Variants in ABI3BP observed in about 807,000 individuals in gnomAD.
ABI3BP encodes the protein ABI family member 3 binding protein.
ABI3BP carries 216 observed loss-of-function variants against 268.6 expected under a neutral mutation model. That is an observed-to-expected ratio of 0.80 (90% CI 0.72 to 0.90). The LOEUF is 0.90. Among genes scored for constraint, ABI3BP ranks in the 40% least tolerant of loss-of-function variants. ABI3BP has a pLI of 0.00. For missense variants in ABI3BP, 2,090 were observed against 2,182.4 expected (o/e 0.96, Z 0.84); for synonymous variants, 730 against 730.0 (o/e 1.00, Z 0.00).
chr3:100,869,083 T>C (rs2153224322), intron 9 of ABI3BP, among the ~76,000 whole-genome samples: 1 of 152,236 alleles, frequency 6.6e-6, no homozygotes, highest in Non-Finnish European at 1.5e-5. Flanking sequence ...ATGTTCTCAG[T>C]GAGTCCCTGG....
chr3:100,829,939 G>A (rs562999722), intron 32 of ABI3BP, among the ~76,000 whole-genome samples: 7 of 151,084 alleles, frequency 4.6e-5, no homozygotes, highest in East Asian at 3.9e-4. Flanking sequence ...GAGTTATGGC[G>A]GTGATGGGGG....
rs913922094 is a variant in ABI3BP, at chr3:100,750,278, T to C, written c.*217A>G. 16 of 395,786 alleles carry C rather than the reference T, an allele frequency of 4.0e-5. 1 individual carries two copies. The highest frequency in any genetic ancestry group is 2.7e-4 in the African/African-American group (13 of 48,106). 24.5% of individuals were successfully genotyped at this position (395,786 alleles called of 1,614,324 possible). A position where few individuals can be genotyped will look rare whatever the true frequency, so the allele number is the denominator to read the frequency against. On this transcript the variant is annotated 3_prime_UTR_variant, in exon 68 of 68. Transcript: ENST00000471714. ...GGAGCCAGCTTCCCCAAAAATGTTA[T>C]TCTGTTAACATCAGTATCTTGCTTT...
intron 63 of ABI3BP, among the ~76,000 whole-genome samples, chr3:100,763,891 T>C (rs907215309): frequency 1.3e-5 from 2 of 152,140 alleles, no homozygotes; most frequent in African/African-American, 4.8e-5. Flanking sequence ...ATACTAAAAG[T>C]GATTATTCCG....
chr3:100,795,978 T>C, intron 52 of ABI3BP, 127 bp from the exon 53 acceptor site: 1 of 655,282 alleles, frequency 1.5e-6, no homozygotes, highest in Non-Finnish European at 2.1e-6. Context: ...TTGTAATAAA[T>C]AAGAGAAAAT....
intron 63 of ABI3BP, among the ~76,000 whole-genome samples, chr3:100,763,513 G>C (rs1161960662): frequency 6.6e-6 from 1 of 151,918 alleles, no homozygotes; most frequent in Non-Finnish European, 1.5e-5. Flanking sequence ...ACTCCTCTGG[G>C]CTTTGCTAGT....
chr3:100,898,695 A>G, intron 4 of ABI3BP, 67 bp downstream of exon 4: 17 of 1,527,846 alleles, frequency 1.1e-5, no homozygotes, highest in Non-Finnish European at 1.5e-5. Context: ...CAATGCTAAC[A>G]GTCCTGATAC....
intron 1 of ABI3BP, among the ~76,000 whole-genome samples, chr3:100,950,595 T>C (rs1274705822): frequency 1.3e-5 from 2 of 151,922 alleles, no homozygotes; most frequent in Admixed American, 1.3e-4. Context: ...AAGATGAAGG[T>C]CGAGGTGTTA....
At chr3:100,961,061 G>T (rs2078932520) in intron 1 of ABI3BP, among the ~76,000 whole-genome samples, 1 of 152,224 alleles carries the variant, frequency 6.6e-6, no homozygotes, top group Admixed American at 6.5e-5. Flanking sequence ...GGCTGCAATA[G>T]AAAACTAATA....
rs1045590899 is a variant in ABI3BP at position 100,823,589 on chromosome 3, T to C, written c.2747-75A>G. On this transcript the variant is annotated intron_variant, in intron 36 of 67. Coordinates refer to ENST00000471714, the MANE Select transcript of ABI3BP (RefSeq NM_001375547.2). Reference sequence around the variant, plus strand: ...TTAGAACACTCACATGCAAACAAATTTTACTGGTATGTCAATTCTTCCAGA... The same window carrying C: ...TTAGAACACTCACATGCAAACAAATCTTACTGGTATGTCAATTCTTCCAGA... The C allele has an allele frequency of 9.1e-6, 10 of 1,103,860 alleles. No individual in the cohort carries two copies. In the African/African-American group the frequency reaches 1.6e-4, roughly 18 times the overall value. The allele number at this position is 1,103,860 out of a possible 1,614,324, so 68.4% of individuals were successfully genotyped here.
At chr3:100,768,330 C>T (rs567534511) in intron 62 of ABI3BP, among the ~76,000 whole-genome samples, 6 of 152,200 alleles carry the variant, frequency 3.9e-5, no homozygotes, top group Admixed American at 3.3e-4. Context: ...CCTCGTAATC[C>T]GCCCACCTCA....
intron 2 of ABI3BP, among the ~76,000 whole-genome samples, chr3:100,922,710 C>T (rs972723126): frequency 1.3e-5 from 2 of 152,142 alleles, no homozygotes; most frequent in Non-Finnish European, 2.9e-5. Context: ...CCCTCAGAGC[C>T]TCCAGAAAGG....
chr3:100,792,835 C>T (rs2097237741), intron 54 of ABI3BP, 67 bp from the exon 55 acceptor site: 1 of 1,365,714 alleles, frequency 7.3e-7, no homozygotes, highest in East Asian at 2.3e-5. Flanking sequence ...CAAAAAAACC[C>T]ATACTCTTTT....
At chr3:100,758,109 CAAA>C (rs202096775) in intron 63 of ABI3BP, among the ~76,000 whole-genome samples, 7 of 146,312 alleles carry the variant, frequency 4.8e-5, no homozygotes, top group Non-Finnish European at 1.1e-4. Context: ...AACAAACAAA[CAAA>C]AAAAAAACAA....
Position 100,837,165 on chromosome 3 carries a change from T to C in ABI3BP, c.2090A>G (p.Glu697Gly). 6.5e-7 allele frequency: 1 copy of C among 1,533,958 alleles called. No homozygotes were observed. Among genetic ancestry groups the C allele is most frequent in the South Asian group, 1.2e-5 (1 of 83,608 alleles). Residue 697 changes from glutamate (E) to glycine (G), a missense_variant, in exon 27 of 68, where the codon GAG (glutamate) becomes GGG (glycine). Physicochemically the swap from Glu to Gly is moderately conservative, Grantham distance 98. Transcript: ENST00000471714. ...AGCTTCAGTTTCAAATGGAACAGGC[T>C]CAGAGACTGCATCATAAAAAATAAA... ...PDMPPTKSVSEPVPFETEAPS... is the reference protein window; with the variant it reads ...PDMPPTKSVSGPVPFETEAPS...
chr3:100,889,893 A>AG (rs1218956569), intron 4 of ABI3BP, among the ~76,000 whole-genome samples: 3 of 152,034 alleles, frequency 2.0e-5, no homozygotes, highest in Non-Finnish European at 4.4e-5. Context: ...TGACCTTGGG[A>AG]GGGGGGCATC....
At chr3:100,893,727 G>A (rs1203257107) in intron 4 of ABI3BP, among the ~76,000 whole-genome samples, 2 of 152,180 alleles carry the variant, frequency 1.3e-5, no homozygotes, top group Admixed American at 6.5e-5. Context: ...ATACATAACA[G>A]GATCAACAGA....
intron 20 of ABI3BP, 66 bp downstream of exon 20, chr3:100,846,306 A>C (rs2098767661): frequency 9.1e-7 from 1 of 1,098,442 alleles, no homozygotes; most frequent in Non-Finnish European, 1.3e-6. Flanking sequence ...TCTTGCTCCA[A>C]ATAATTGCAA....
At chr3:100,823,286 A>G (rs1045910049) in intron 37 of ABI3BP, among the ~76,000 whole-genome samples, 172 bp downstream of exon 37, 1 of 152,178 alleles carries the variant, frequency 6.6e-6, no homozygotes, top group Non-Finnish European at 1.5e-5. Flanking sequence ...AAACGTCCTC[A>G]AGTAGATTCA....
intron 1 of ABI3BP, among the ~76,000 whole-genome samples, chr3:100,940,833 A>C (rs1225971676): frequency 6.1e-5 from 1 of 16,492 alleles, no homozygotes; most frequent in Non-Finnish European, 1.4e-4. Flanking sequence ...TATATATATG[A>C]TATGATGAGT....
Sources: allele counts gnomAD v4.1 joint callset (sites outside exome capture counted in the v4.1 genomes callset), GRCh38; gene constraint gnomAD v4.1.1; transcripts MANE v1.5; gene names NCBI Gene and HGNC (gene_info 2026-07-23, HGNC 2026-07-21).